Variants in ABCG2 observed in about 807,000 individuals in gnomAD.
ABCG2 encodes the protein broad substrate specificity ATP-binding cassette transporter ABCG2.
ABCG2 carries 80 observed loss-of-function variants against 73.5 expected under a neutral mutation model. That is an observed-to-expected ratio of 1.09 (90% confidence interval 0.91 to 1.31). The LOEUF (loss-of-function observed/expected upper bound fraction) is 1.31. ABCG2 is among the 50% of genes most tolerant of loss of function. The pLI, the probability that ABCG2 is intolerant of heterozygous loss-of-function variation, is 0.00. For synonymous variants in ABCG2, 269 were observed against 282.4 expected, an observed-to-expected ratio of 0.95 and a Z score of 0.48; for missense variants, 796 against 786.2, an observed-to-expected ratio of 1.01 and a Z score of -0.15.
chr4:88,205,985 T>C (rs1729362491), intron 1 of ABCG2, among the ~76,000 whole-genome samples: 1 of 152,148 alleles, frequency 6.6e-6, no homozygotes, highest in African/African-American at 2.4e-5. Flanking sequence ...CCAGCCACCA[T>C]TTATCATTTT....
intron 1 of ABCG2, among the ~76,000 whole-genome samples, chr4:88,151,570 C>G (rs1321857374): frequency 6.6e-6 from 1 of 151,986 alleles, no homozygotes; most frequent in African/African-American, 2.4e-5. Flanking sequence ...AACCCCATCT[C>G]TACTAAAAAT....
At chr4:88,169,625 T>G (rs1163973103) in intron 1 of ABCG2, among the ~76,000 whole-genome samples, 1 of 152,180 alleles carries the variant, frequency 6.6e-6, no homozygotes, top group Non-Finnish European at 1.5e-5. Context: ...TGAAACTATT[T>G]TCTCCCTTTG....
intron 2 of ABCG2, among the ~76,000 whole-genome samples, chr4:88,137,330 G>T (rs115044116): frequency 1.1e-3 from 166 of 152,234 alleles, no homozygotes; most frequent in African/African-American, 3.8e-3. Flanking sequence ...CATCCAGTGG[G>T]GACTGAAGTT....
chr4:88,192,597 T>C (rs369929933), intron 1 of ABCG2, among the ~76,000 whole-genome samples: 62 of 151,996 alleles, frequency 4.1e-4, no homozygotes, highest in African/African-American at 1.4e-3. Flanking sequence ...TTTTTGTATT[T>C]TTAGAAGAGA....
At chr4:88,196,127 T>A (rs1728934477) in intron 1 of ABCG2, among the ~76,000 whole-genome samples, 1 of 152,062 alleles carries the variant, frequency 6.6e-6, no homozygotes, top group Admixed American at 6.6e-5. Context: ...CATTCCTGGG[T>A]TGGGGGTCGG....
chr4:88,213,795 G>C (rs1729694437), intron 1 of ABCG2, among the ~76,000 whole-genome samples: 1 of 151,308 alleles, frequency 6.6e-6, no homozygotes, highest in South Asian at 2.1e-4. Flanking sequence ...CGATTCCCCT[G>C]CCTCAGCCTC....
chr4:88,163,346 T>C (rs999720639), upstream of ABCG2, among the ~76,000 whole-genome samples: 2 of 152,208 alleles, frequency 1.3e-5, no homozygotes, highest in African/African-American at 2.4e-5. Flanking sequence ...GAGAAAGGAA[T>C]ATAGCTAGAG....
At chr4:88,205,810 G>A (rs1729353099) in intron 1 of ABCG2, among the ~76,000 whole-genome samples, 1 of 152,162 alleles carries the variant, frequency 6.6e-6, no homozygotes, top group Non-Finnish European at 1.5e-5. Context: ...AACCCCCAGA[G>A]TAGCTGGGAC....
intron 1 of ABCG2, among the ~76,000 whole-genome samples, chr4:88,189,771 A>G (rs947707824): frequency 3.3e-5 from 5 of 152,150 alleles, no homozygotes; most frequent in African/African-American, 1.2e-4. Flanking sequence ...TGCTAATACC[A>G]TGTTGAATGT....
At chr4:88,146,914 G>GGAAGGAA (rs1337362267) in intron 1 of ABCG2, among the ~76,000 whole-genome samples, 1 of 137,000 alleles carries the variant, frequency 7.3e-6, no homozygotes, top group African/African-American at 2.7e-5. Flanking sequence ...AAGGAAGGAA[G>GGAAGGAA]GAAGGAAGGA....
chr4:88,098,680 A>ATAGG (rs1317221962), intron 12 of ABCG2, among the ~76,000 whole-genome samples: 11 of 151,950 alleles, frequency 7.2e-5, no homozygotes, highest in African/African-American at 2.7e-4. Flanking sequence ...AGATAGATAG[A>ATAGG]TAGATAGACA....
At chr4:88,211,359 CCCCA>C (rs149599800) in intron 1 of ABCG2, among the ~76,000 whole-genome samples, 16,457 of 36,368 alleles carry the variant, frequency 0.45, 3,894 homozygotes, top group Non-Finnish European at 0.55. Flanking sequence ...TCAACCCCTG[CCCCA>C]CCCCCCCCCA....
chr4:88,094,172 G>A (rs1055247710), intron 15 of ABCG2, among the ~76,000 whole-genome samples: 2 of 152,122 alleles, frequency 1.3e-5, no homozygotes, highest in Non-Finnish European at 2.9e-5. Context: ...AAGTATCCGT[G>A]AGTTCAGGGA....
chr4:88,163,118 T>G (rs1283888396), upstream of ABCG2, among the ~76,000 whole-genome samples: 1 of 152,098 alleles, frequency 6.6e-6, no homozygotes, highest in African/African-American at 2.4e-5. Context: ...TCAGTCCGAG[T>G]ATATCTATTT....
chr4:88,118,299 C>T (rs1723740208), intron 6 of ABCG2, 39 bp from the exon 7 acceptor site: 2 of 1,599,356 alleles, frequency 1.3e-6, no homozygotes, highest in Non-Finnish European at 1.7e-6. Flanking sequence ...CATTAAATAT[C>T]TGAAACTTGT....
chr4:88,216,860 CT>C (rs1432423123), intron 1 of ABCG2, among the ~76,000 whole-genome samples: 3 of 151,468 alleles, frequency 2.0e-5, no homozygotes, highest in Admixed American at 6.6e-5. Flanking sequence ...CGAAACCCCC[CT>C]CTCTACTAAA....
chr4:88,118,200 G>A lies in ABCG2; in HGVS notation c.750C>T (p.Phe250=). 6.2e-7 allele frequency: 1 copy of A among 1,614,150 alleles called. No homozygotes were observed. Among genetic ancestry groups the A allele is most frequent in the Non-Finnish European group, 8.5e-7 (1 of 1,180,002 alleles). The change falls in exon 7 of 16, where the codon TTC becomes TTT. Residue 250 remains phenylalanine (F), a synonymous_variant. Coordinates refer to ENST00000237612, the MANE Select transcript of ABCG2 (RefSeq NM_004827.3). The part of the protein sequence containing the change: ...FSIHQPRYSI[F]KLFDSLTLLA... ...ATAAGGTGAGGCTATCAAACAACTT[G>A]AAGATGGAATATCGAGGCTGATGAA...
intron 1 of ABCG2, among the ~76,000 whole-genome samples, chr4:88,175,254 G>T (rs1418689239): frequency 6.6e-6 from 1 of 152,152 alleles, no homozygotes; most frequent in Non-Finnish European, 1.5e-5. Flanking sequence ...CTAAAAACTT[G>T]AGTAGATTCA....
rs190196608 is a variant in ABCG2, at chr4:88,185,383, C to A, written c.-19-45369G>T. Among the ~76,000 whole-genome samples the A allele has an allele frequency of 1.4e-3, 218 of 152,232 alleles. 1 individual carries two copies. The highest frequency in any genetic ancestry group is 4.8e-3 in the African/African-American group (199 of 41,560). On this transcript the variant is annotated intron_variant, in intron 1 of 15. Transcript: ENST00000515655. ...CTGTCAAAACAAAACAAAACTCAAA[C>A]TATGAATCTACTAAAAGAACACATT...
Sources: gnomAD v4.1 joint callset for allele counts (sites outside exome capture counted in the v4.1 genomes callset) on GRCh38, gnomAD v4.1.1 for gene constraint, MANE v1.5 for transcripts, NCBI Gene and HGNC (gene_info 2026-07-23, HGNC 2026-07-21) for gene names.